The following SEH1L variants were observed in gnomAD, a reference collection of about 807,000 sequenced individuals.
SEH1L encodes nucleoporin SEH1.
SEH1L carries 18 observed loss-of-function variants against 49.5 expected under a neutral mutation model. That is an observed-to-expected ratio of 0.36 (90% CI 0.25 to 0.54). The LOEUF is 0.54. Ranked by LOEUF, SEH1L falls within the 20% of genes least tolerant of loss-of-function variation. The pLI is 0.87. For synonymous variants in SEH1L, 169 were observed against 178.1 expected (o/e 0.95, Z 0.41); for missense variants, 404 against 528.8 (o/e 0.76, Z 2.31).
chr18:12,965,383 CAT>C (rs565493635), intron 4 of SEH1L, among the ~76,000 whole-genome samples: 53 of 152,230 alleles, frequency 3.5e-4, no homozygotes, highest in African/African-American at 5.8e-4. Flanking sequence ...ACATTTAACA[CAT>C]GTGTAAGTAT....
chr18:12,959,122 T>A (rs1203006799), intron 3 of SEH1L, among the ~76,000 whole-genome samples: 1 of 152,226 alleles, frequency 6.6e-6, no homozygotes, highest in Non-Finnish European at 1.5e-5. Flanking sequence ...CTTATTTTCA[T>A]GTGCTTATTG....
At chr18:12,963,571 T>A (rs574384139) in intron 4 of SEH1L, among the ~76,000 whole-genome samples, 200 bp downstream of exon 4, 1 of 152,252 alleles carries the variant, frequency 6.6e-6, no homozygotes, top group Non-Finnish European at 1.5e-5. Flanking sequence ...AATATTTTCA[T>A]GTGAACCTTT....
chr18:12,953,178 C>T (rs2030650637), intron 2 of SEH1L, among the ~76,000 whole-genome samples: 1 of 152,126 alleles, frequency 6.6e-6, no homozygotes, highest in Non-Finnish European at 1.5e-5. Context: ...TGAGGTTCAT[C>T]CATATTGTGT....
At chr18:12,975,965 C>G in intron 5 of SEH1L, 3 of 740,398 alleles carry the variant, frequency 4.1e-6, no homozygotes, top group Non-Finnish European at 4.9e-6. Context: ...ATGTGGTAAG[C>G]ACAATTTATT....
intron 5 of SEH1L, chr18:12,978,513 G>A (rs887647489): frequency 1.3e-5 from 5 of 385,238 alleles, no homozygotes; most frequent in South Asian, 6.8e-5. Flanking sequence ...CCTAAATCTC[G>A]GATGTCATTC....
At chr18:12,978,966 T>A in intron 6 of SEH1L, 74 bp downstream of exon 6, 1 of 1,344,500 alleles carries the variant, frequency 7.4e-7, no homozygotes, top group Non-Finnish European at 1.0e-6. Flanking sequence ...GAGGAGAGAG[T>A]AGAGGTAACT....
At chr18:12,975,330 G>GAA (rs149468070) in intron 5 of SEH1L, among the ~76,000 whole-genome samples, 1 of 149,064 alleles carries the variant, frequency 6.7e-6, no homozygotes, top group East Asian at 2.0e-4. Context: ...CCTCAGGTAA[G>GAA]AAAAAAAAAA....
chr18:12,981,838 G>T, intron 6 of SEH1L, among the ~76,000 whole-genome samples: 1 of 127,276 alleles, frequency 7.9e-6, no homozygotes, highest in African/African-American at 3.2e-5. Flanking sequence ...TTTCCTACTT[G>T]CTGCCCTGCC....
intron 8 of SEH1L, chr18:12,985,994 C>T (rs144359540): frequency 1.1e-6 from 1 of 904,144 alleles, no homozygotes; most frequent in African/African-American, 1.8e-5. Context: ...TTCTTATATA[C>T]ATTTGTGTAT....
chr18:12,950,432 T>C, intron 1 of SEH1L, among the ~76,000 whole-genome samples: 1 of 152,330 alleles, frequency 6.6e-6, no homozygotes, highest in South Asian at 2.1e-4. Flanking sequence ...TATATTTTTC[T>C]TTTTAGAAAG....
At chr18:12,967,510 G>A (rs1014658672) in intron 4 of SEH1L, among the ~76,000 whole-genome samples, 4 of 152,182 alleles carry the variant, frequency 2.6e-5, no homozygotes, top group African/African-American at 9.7e-5. Flanking sequence ...ACTGTGTAAA[G>A]GACATTCGTT....
chr18:12,971,569 G>A (rs57277014), intron 5 of SEH1L: 8,284 of 171,578 alleles, frequency 0.048, 305 homozygotes, highest in East Asian at 0.16. Context: ...AGGAGGCGGA[G>A]GTTGCAGTGA....
chr18:12,954,076 G>C (rs2145608102), intron 2 of SEH1L, among the ~76,000 whole-genome samples: 1 of 151,816 alleles, frequency 6.6e-6, no homozygotes, highest in Non-Finnish European at 1.5e-5. Context: ...GACAAAACAA[G>C]GTTAAAAAAA....
chr18:12,968,413 G>C (rs1252390299), intron 4 of SEH1L, among the ~76,000 whole-genome samples: 1 of 152,154 alleles, frequency 6.6e-6, no homozygotes, highest in Admixed American at 6.5e-5. Context: ...TGGTTTTGGA[G>C]TGCTCCTTTA....
chr18:12,955,373 T>A, intron 2 of SEH1L, 90 bp from the exon 3 acceptor site: 1 of 1,225,146 alleles, frequency 8.2e-7, no homozygotes, highest in Non-Finnish European at 1.1e-6. Context: ...GTAAAACCAG[T>A]GTTTATGAAA....
At chr18:12,963,911 C>T (rs1280928108) in intron 4 of SEH1L, among the ~76,000 whole-genome samples, 1 of 152,198 alleles carries the variant, frequency 6.6e-6, no homozygotes, top group Non-Finnish European at 1.5e-5. Context: ...TGGGGTTTTA[C>T]CATGTTGGCC....
At chr18:12,982,811 T>G (rs1486360329) in intron 7 of SEH1L, 136 bp downstream of exon 7, 1 of 681,278 alleles carries the variant, frequency 1.5e-6, no homozygotes, top group Non-Finnish European at 2.4e-6. Flanking sequence ...TTATGTTATT[T>G]TGAACATCAG....
At chr18:12,981,708 T>A (rs1290927181) in intron 6 of SEH1L, among the ~76,000 whole-genome samples, 5 of 152,184 alleles carry the variant, frequency 3.3e-5, no homozygotes, top group Non-Finnish European at 7.3e-5. Context: ...AAATATTTAA[T>A]GACAAGTGGC....
intron 1 of SEH1L, chr18:12,948,648 C>A (rs1339585365): frequency 1.2e-4 from 19 of 163,338 alleles, no homozygotes; most frequent in African/African-American, 4.5e-4. Context: ...GAGTTCTGTG[C>A]CCCGCCGGTG....
Sources: gnomAD v4.1 joint callset for allele counts (sites outside exome capture counted in the v4.1 genomes callset) on GRCh38, gnomAD v4.1.1 for gene constraint, MANE v1.5 for transcripts, NCBI Gene and HGNC (gene_info 2026-07-23, HGNC 2026-07-21) for gene names.